CDK5RAP1: variants seen among roughly 807,000 people sequenced by gnomAD.
CDK5RAP1 encodes the protein mitochondrial tRNA methylthiotransferase CDK5RAP1.
In CDK5RAP1, 62 loss-of-function variants were observed where a neutral mutation model predicts 64.5. The ratio of observed to expected loss-of-function variants is 0.96; its 90% CI spans 0.78 to 1.19. The LOEUF (loss-of-function observed/expected upper bound fraction) is 1.19, where lower values mean the gene tolerates loss of function less well. CDK5RAP1 is among the 50% of genes most tolerant of loss of function. The pLI is 0.00. For missense variants in CDK5RAP1, 657 were observed against 735.0 expected (o/e 0.89, Z 1.23); for synonymous variants, 250 against 261.9 (o/e 0.95, Z 0.44).
intron 5 of CDK5RAP1, among the ~76,000 whole-genome samples, chr20:33,389,881 G>GA (rs200754002): frequency 1.0e-4 from 15 of 147,780 alleles, no homozygotes; most frequent in East Asian, 2.0e-4. Context: ...TCTGCCTTGG[G>GA]AAAAAAAAAT....
At chr20:33,393,089 A>T (rs1300251926) in intron 4 of CDK5RAP1, among the ~76,000 whole-genome samples, 1 of 152,144 alleles carries the variant, frequency 6.6e-6, no homozygotes, top group Non-Finnish European at 1.5e-5. Context: ...TATGTTGGCC[A>T]GACTGGTCTT....
chr20:33,374,567 A>AC (rs1985675151), intron 8 of CDK5RAP1, among the ~76,000 whole-genome samples: 1 of 141,924 alleles, frequency 7.0e-6, no homozygotes. Context: ...GTCACTTTCT[A>AC]TTTTTTTTTT....
At chr20:33,388,507 TCCCTCTC>T (rs1987751882) in intron 5 of CDK5RAP1, among the ~76,000 whole-genome samples, 1 of 128,240 alleles carries the variant, frequency 7.8e-6, no homozygotes, top group African/African-American at 3.4e-5. Context: ...ATTTTTCAGC[TCCCTCTC>T]CCTCTCCCTC....
chr20:33,393,981 G>A (rs1005528664), intron 4 of CDK5RAP1, 51 bp downstream of exon 4: 1 of 1,311,370 alleles, frequency 7.6e-7, no homozygotes, highest in Non-Finnish European at 1.1e-6. Flanking sequence ...TGTTAGCTCT[G>A]GCATTATTAC....
intron 5 of CDK5RAP1, among the ~76,000 whole-genome samples, chr20:33,391,435 A>G (rs1988309819): frequency 6.6e-6 from 1 of 152,192 alleles, no homozygotes; most frequent in South Asian, 2.1e-4. Flanking sequence ...AAATAGCCAC[A>G]TGTGGCTAGT....
In CDK5RAP1 at chr20:33,387,455, T is replaced by G; in HGVS notation, c.623A>C (p.Tyr208Ser). Residue 208 changes from tyrosine to serine, a missense_variant, in exon 6 of 14, where the codon TAC (tyrosine) becomes TCC (serine). Physicochemically the swap from Tyr to Ser is moderately radical, Grantham distance 144 (BLOSUM62 -2). Transcript: ENST00000346416. ...AGCCAGCAGCCGGGGAAGGTCCCGG[T>G]AGGCATCAGGACCAGCCAAAATATC... ...MVDILAGPDA[Y>S]RDLPRLLAVA... The G allele has an allele frequency of 6.2e-7, 1 of 1,614,086 alleles. No homozygotes were observed. Among genetic ancestry groups the G allele is most frequent in the Non-Finnish European group, 8.5e-7 (1 of 1,179,994 alleles).
At position 33,385,856 on chromosome 20, in the gene CDK5RAP1, A is replaced by G. The variant is rs1411309972; in HGVS notation, c.756-86T>C. ...AGCAGGACTCAGCTTCAATAGCATT[A>G]TTCTTTGGCTCTGAATCCTCTTGCC... On this transcript the variant is annotated intron_variant, in intron 6 of 13. Coordinates refer to ENST00000346416, the MANE Select transcript of CDK5RAP1 (RefSeq NM_016408.4). The G allele has an allele frequency of 3.1e-6, 4 of 1,294,416 alleles. No individual in the cohort carries two copies. In the South Asian group the frequency reaches 4.4e-5, roughly 14 times the overall value. The allele number at this position is 1,294,416 out of a possible 1,614,324, so 80.2% of individuals were successfully genotyped here.
At chr20:33,399,828 C>A (rs2146738532) in intron 1 of CDK5RAP1, among the ~76,000 whole-genome samples, 1 of 152,282 alleles carries the variant, frequency 6.6e-6, no homozygotes. Context: ...GAGTTCGAGA[C>A]CAGCCTGGGC....
intron 5 of CDK5RAP1, among the ~76,000 whole-genome samples, chr20:33,389,327 G>A (rs1287376067): frequency 6.6e-6 from 1 of 151,610 alleles, no homozygotes; most frequent in African/African-American, 2.4e-5. Context: ...CGTCTGAGAA[G>A]TGAGGAGCCC....
intron 5 of CDK5RAP1, among the ~76,000 whole-genome samples, chr20:33,391,568 T>C (rs938012123): frequency 6.6e-6 from 1 of 151,434 alleles, no homozygotes; most frequent in Non-Finnish European, 1.5e-5. Flanking sequence ...ATGCCTATAA[T>C]CCCAACACTT....
intron 6 of CDK5RAP1, 98 bp from the exon 7 acceptor site, chr20:33,385,868 T>C: frequency 8.9e-7 from 1 of 1,120,834 alleles, no homozygotes; most frequent in Non-Finnish European, 1.3e-6. Flanking sequence ...TCTTTGGCTC[T>C]GAATCCTCTT....
At chr20:33,393,559 A>C (rs1234341679) in intron 4 of CDK5RAP1, among the ~76,000 whole-genome samples, 1 of 152,086 alleles carries the variant, frequency 6.6e-6, no homozygotes, top group Non-Finnish European at 1.5e-5. Context: ...CCGGATAGGG[A>C]AACATTAACA....
At chr20:33,361,148 G>A (rs1190314881) in intron 12 of CDK5RAP1, among the ~76,000 whole-genome samples, 1 of 152,166 alleles carries the variant, frequency 6.6e-6, no homozygotes, top group African/African-American at 2.4e-5. Context: ...TGAGCTGTGA[G>A]AGAAGGAAAA....
chr20:33,389,664 T>C (rs1988060885), intron 5 of CDK5RAP1, among the ~76,000 whole-genome samples: 1 of 151,662 alleles, frequency 6.6e-6, no homozygotes, highest in African/African-American at 2.4e-5. Context: ...TTCTGGGAAG[T>C]GAGGAGCCCT....
Position 33,385,097 on chromosome 20 carries a change from A to T in CDK5RAP1, c.876+553T>A, listed in dbSNP as rs1270586701. ...GAAAAGACCTCCTCAAAAGCTGAGG[A>T]CCAGCTCCCAGTGGGAGAAAGAAGA... On this transcript the variant is annotated intron_variant, in intron 7 of 13. Coordinates refer to ENST00000346416, the MANE Select transcript of CDK5RAP1 (RefSeq NM_016408.4). Among the ~76,000 whole-genome samples the T allele has an allele frequency of 2.0e-5, 3 of 152,104 alleles. No homozygotes were observed. In the South Asian group the frequency reaches 6.2e-4, roughly 32 times the overall value.
At position 33,379,456 on chromosome 20, in the gene CDK5RAP1, C is replaced by T. The variant is rs759907757; in HGVS notation, c.1107+5G>A. On this transcript the variant is annotated splice_donor_5th_base_variant and intron_variant, in intron 8 of 13. Coordinates refer to ENST00000346416, the MANE Select transcript of CDK5RAP1 (RefSeq NM_016408.4). ...TCAGTTTGTCACAGCTAACCTGACG[C>T]TCACCTCATCAGGAAAATCCTTGGG... 2 of 1,592,302 alleles carry T rather than the reference C, an allele frequency of 1.3e-6. No homozygotes were observed. Among genetic ancestry groups the T allele is most frequent in the Admixed American group, 1.7e-5 (1 of 59,982 alleles).
chr20:33,366,732 T>TGAGGCA, intron 12 of CDK5RAP1, 127 bp downstream of exon 12: 3 of 807,114 alleles, frequency 3.7e-6, no homozygotes, highest in Non-Finnish European at 5.7e-6. Context: ...CTTGGGAGGC[T>TGAGGCA]GAGGCAGGAG....
chr20:33,400,084 T>C (rs1307050705), intron 1 of CDK5RAP1, among the ~76,000 whole-genome samples: 1 of 152,166 alleles, frequency 6.6e-6, no homozygotes, highest in African/African-American at 2.4e-5. Flanking sequence ...CTAGATGCCT[T>C]GCATATACGC....
chr20:33,373,779 C>T, intron 9 of CDK5RAP1: 1 of 255,372 alleles, frequency 3.9e-6, no homozygotes, highest in Non-Finnish European at 7.4e-6. Flanking sequence ...AAATGGATGA[C>T]CCAGTCCTTA....
Sources: gnomAD v4.1 joint callset for allele counts (sites outside exome capture counted in the v4.1 genomes callset) on GRCh38, gnomAD v4.1.1 for gene constraint, MANE v1.5 for transcripts, NCBI Gene and HGNC (gene_info 2026-07-23, HGNC 2026-07-21) for gene names.